The following SNRK variants were observed in gnomAD, a reference collection of about 807,000 sequenced individuals.
The protein encoded by SNRK is SNF related kinase.
In SNRK, 3 loss-of-function variants were observed where a neutral mutation model predicts 48.2. That is an observed-to-expected ratio of 0.06 (90% CI 0.03 to 0.16). The LOEUF (loss-of-function observed/expected upper bound fraction) is 0.16. SNRK is among the 10% of genes least tolerant of loss of function. The pLI, the probability that SNRK is intolerant of heterozygous loss-of-function variation, is 1.00. For synonymous variants in SNRK, 376 were observed against 366.1 expected (o/e 1.03, Z -0.31); for missense variants, 627 against 976.0 (o/e 0.64, Z 4.76).
At chr3:43,345,333 A>G (rs1004344991) in intron 6 of SNRK, among the ~76,000 whole-genome samples, 1 of 152,112 alleles carries the variant, frequency 6.6e-6, no homozygotes, top group Admixed American at 6.5e-5. Flanking sequence ...AGAATGACCT[A>G]GGAGGTAGAA....
At position 43,300,608 on chromosome 3, in the gene SNRK, G is replaced by GCC. The variant is rs34151308; in HGVS notation, c.-107+802_-107+803dup. On this transcript the variant is annotated intron_variant, in intron 2 of 6. Coordinates refer to ENST00000296088, the MANE Select transcript of SNRK (RefSeq NM_017719.5). The stretch of plus-strand genomic sequence containing the variant: ...GTTAAATATTTAAAGATAGTTTCCT[G>GCC]CCCCCCCCCCAGAGTTTTTATATTT... Among the ~76,000 whole-genome samples the GCC allele has an allele frequency of 3.4e-3, 507 of 147,122 alleles. 5 individuals carry two copies. Among genetic ancestry groups the GCC allele is most frequent in the African/African-American group, 0.011 (418 of 37,844 alleles).
At chr3:43,288,834 T>C (rs2090787369) in intron 1 of SNRK, among the ~76,000 whole-genome samples, 1 of 152,230 alleles carries the variant, frequency 6.6e-6, no homozygotes, top group South Asian at 2.1e-4. Context: ...TGTTTATAAC[T>C]AAGATGCTTT....
intron 6 of SNRK, among the ~76,000 whole-genome samples, chr3:43,345,346 C>T (rs1169310431): frequency 6.6e-6 from 1 of 152,140 alleles, no homozygotes; most frequent in Non-Finnish European, 1.5e-5. Context: ...AGGTAGAAAC[C>T]TGGACTGAGT....
chr3:43,302,921 T>C (rs1212068496), intron 2 of SNRK, among the ~76,000 whole-genome samples, 177 bp from the exon 3 acceptor site: 1 of 152,162 alleles, frequency 6.6e-6, no homozygotes, highest in East Asian at 1.9e-4. Context: ...ATTCAGCCTT[T>C]GTAATATAAA....
intron 3 of SNRK, among the ~76,000 whole-genome samples, chr3:43,330,407 A>G (rs1034738330): frequency 6.6e-6 from 1 of 152,224 alleles, no homozygotes; most frequent in African/African-American, 2.4e-5. Context: ...GCACATTGCA[A>G]TAAAGGGAGA....
chr3:43,316,930 C>A (rs760597003), intron 3 of SNRK, among the ~76,000 whole-genome samples: 1 of 152,146 alleles, frequency 6.6e-6, no homozygotes, highest in African/African-American at 2.4e-5. Flanking sequence ...CCGCCTCATT[C>A]CAACTCATTT....
rs748036941 is a variant in SNRK, at chr3:43,347,601, G to C, written c.1342G>C (p.Asp448His). 2 of 1,614,006 alleles carry C rather than the reference G, an allele frequency of 1.2e-6. No homozygotes were observed. The highest frequency in any genetic ancestry group is 2.7e-5 in the African/African-American group (2 of 75,032). ...GRKCLFRVEE[D>H]EEEDEEDKKP... is the part of the protein sequence containing the mutation. ...GAAGTGTCTGTTCAGGGTGGAAGAA[G>C]ATGAAGAGGAAGATGAGGAGGACAA... is the stretch of plus-strand genomic sequence containing the variant. The change falls in exon 7 of 7, where the codon GAT becomes CAT. Residue 448 changes from aspartate to histidine, a missense_variant. Coordinates refer to ENST00000296088, the MANE Select transcript of SNRK (RefSeq NM_017719.5). The surrounding 1 kb of genome is among the most constrained non-coding windows in gnomAD (Gnocchi z 5.4).
intron 1 of SNRK, among the ~76,000 whole-genome samples, chr3:43,294,383 T>TA (rs2090836200): frequency 6.6e-6 from 1 of 152,202 alleles, no homozygotes; most frequent in Non-Finnish European, 1.5e-5. Flanking sequence ...CCTATACATA[T>TA]ATGCTAAAGG....
At chr3:43,333,731 A>G (rs1417466861) in intron 4 of SNRK, among the ~76,000 whole-genome samples, 1 of 152,182 alleles carries the variant, frequency 6.6e-6, no homozygotes, top group Non-Finnish European at 1.5e-5. Flanking sequence ...TATCATTCAA[A>G]TAAGTATACA....
intron 4 of SNRK, among the ~76,000 whole-genome samples, chr3:43,334,903 T>C (rs2091175091): frequency 6.6e-6 from 1 of 152,184 alleles, no homozygotes; most frequent in South Asian, 2.1e-4. Flanking sequence ...ATAATATCTT[T>C]TAGTTATATT....
At chr3:43,302,899 T>C (rs2090908867) in intron 2 of SNRK, among the ~76,000 whole-genome samples, 199 bp from the exon 3 acceptor site, 1 of 152,126 alleles carries the variant, frequency 6.6e-6, no homozygotes, top group Admixed American at 6.6e-5. Flanking sequence ...AAAAACTTGA[T>C]ATGGTATTTA....
Position 43,348,306 on chromosome 3 carries a change from T to A in SNRK, c.2047T>A (p.Ser683Thr). Residue 683 changes from serine (S) to threonine (T), a missense_variant, in exon 7 of 7, where the codon TCT (serine) becomes ACT (threonine). Transcript: ENST00000296088. ...SFSSVKVQEK[S>T]TWKMCISSTG... is the part of the protein sequence containing the mutation. ...TTCCAGTGTGAAAGTCCAAGAGAAA[T>A]CTACGTGGAAAATGTGCATTAGCTC... 1 of 1,613,772 alleles carries A rather than the reference T, an allele frequency of 6.2e-7. No homozygotes were observed. Among genetic ancestry groups the A allele is most frequent in the Non-Finnish European group, 8.5e-7 (1 of 1,179,808 alleles).
Position 43,348,617 on chromosome 3 carries a change from T to C in SNRK, c.*60T>C, listed in dbSNP as rs1442573532. 2 of 1,438,666 alleles carry C rather than the reference T, an allele frequency of 1.4e-6. No individual in the cohort carries two copies. The highest frequency in any genetic ancestry group is 1.8e-6 in the Non-Finnish European group (2 of 1,099,036). 89.1% of individuals were successfully genotyped at this position (1,438,666 alleles called of 1,614,324 possible). A position where few individuals can be genotyped will look rare whatever the true frequency, so the allele number is the denominator to read the frequency against. ...CTCAGAGCAGTGAAGACCGGCTCAC[T>C]TCACTGTTCCATTTGGTTTTACTAT... On this transcript the variant is annotated 3_prime_UTR_variant, in exon 7 of 7. Coordinates refer to ENST00000296088, the MANE Select transcript of SNRK (RefSeq NM_017719.5).
chr3:43,301,555 C>T (rs2090897847), intron 2 of SNRK, among the ~76,000 whole-genome samples: 2 of 151,794 alleles, frequency 1.3e-5, no homozygotes, highest in African/African-American at 4.8e-5. Context: ...TGCATGAGGC[C>T]AAGAGTTCAA....
chr3:43,322,644 G>T (rs186460582), intron 3 of SNRK, among the ~76,000 whole-genome samples: 53 of 152,260 alleles, frequency 3.5e-4, no homozygotes, highest in Admixed American at 8.5e-4. Flanking sequence ...TAGTAGAAAA[G>T]CTACAATGAT....
chr3:43,304,531 C>T (rs1406375874), intron 3 of SNRK, among the ~76,000 whole-genome samples: 1 of 152,134 alleles, frequency 6.6e-6, no homozygotes, highest in Non-Finnish European at 1.5e-5. Flanking sequence ...TATTTACTGC[C>T]TTTCAGTTTG....
rs57992938 is a variant in SNRK at position 43,350,864 on chromosome 3, G to GTA, written c.*2318_*2319dup. Reference sequence around the variant, plus strand: ...CAGTCTTGTATTTTTCTGTATGTGTGTATATATATATAATTATGTACTTCT... The same window carrying GTA: ...CAGTCTTGTATTTTTCTGTATGTGTGTATATATATATATAATTATGTACTTCT... On this transcript the variant is annotated 3_prime_UTR_variant, in exon 7 of 7. Coordinates refer to ENST00000296088, the MANE Select transcript of SNRK (RefSeq NM_017719.5). 0.19 allele frequency: 29,491 copies of GTA among 152,148 alleles called. 3,599 individuals carry two copies. The highest frequency in any genetic ancestry group is 0.3 in the East Asian group (1,560 of 5,164). The allele number at this position is 152,148 out of a possible 1,614,324, so 9.4% of individuals were successfully genotyped here. A position where few individuals can be genotyped will look rare whatever the true frequency, so the allele number is the denominator to read the frequency against.
chr3:43,329,343 C>T (rs2091127965), intron 3 of SNRK, among the ~76,000 whole-genome samples: 1 of 151,772 alleles, frequency 6.6e-6, no homozygotes, highest in South Asian at 2.1e-4. Context: ...GAGGCTAAGG[C>T]AGGAGAATGG....
rs75114601 is a variant in SNRK at position 43,344,413 on chromosome 3, C to T, written c.1079+935C>T. Among the ~76,000 whole-genome samples the T allele has an allele frequency of 1.6e-3, 239 of 152,126 alleles. 1 individual carries two copies. Among genetic ancestry groups the T allele is most frequent in the South Asian group, 3.9e-3 (19 of 4,812 alleles). On this transcript the variant is annotated intron_variant, in intron 6 of 6. Transcript: ENST00000296088. Reference sequence around the variant, plus strand: ...ATTCTGAGTAAATCTGTGTGTACCTCCAAGTATTTATGAATATATGTGTGT... The same window carrying T: ...ATTCTGAGTAAATCTGTGTGTACCTTCAAGTATTTATGAATATATGTGTGT...
Sources: gnomAD v4.1 joint callset for allele counts (sites outside exome capture counted in the v4.1 genomes callset) on GRCh38, gnomAD v4.1.1 for gene constraint, Gnocchi (gnomAD v3.1) non-coding constraint, MANE v1.5 for transcripts, NCBI Gene and HGNC (gene_info 2026-07-23, HGNC 2026-07-21) for gene names.